The following ABR variants were observed in gnomAD, a reference collection of about 807,000 sequenced individuals.
ABR encodes active breakpoint cluster region-related protein.
Under a neutral mutation model 107.2 loss-of-function variants are expected in ABR, and 35 were observed. The observed-to-expected ratio is 0.33, with a 90% CI of 0.25 to 0.43. The LOEUF (loss-of-function observed/expected upper bound fraction) is 0.43, where lower values mean the gene tolerates loss of function less well. ABR is among the 20% of genes least tolerant of loss of function. The pLI, the probability that ABR is intolerant of heterozygous loss-of-function variation, is 1.00. For missense variants in ABR, 815 were observed against 1,115.2 expected (o/e 0.73, Z 3.83); for synonymous variants, 498 against 462.0 (o/e 1.08, Z -1.00).
At chr17:1,009,154 C>T (rs1215015318) in intron 21 of ABR, among the ~76,000 whole-genome samples, 1 of 151,740 alleles carries the variant, frequency 6.6e-6, no homozygotes, top group Non-Finnish European at 1.5e-5. Context: ...ACAATGTATC[C>T]TCCTGCTGTC....
chr17:1,168,021 G>T (rs1446806895), intron 1 of ABR, among the ~76,000 whole-genome samples: 1 of 151,474 alleles, frequency 6.6e-6, no homozygotes, highest in Non-Finnish European at 1.5e-5. Context: ...GCGTGGTGGC[G>T]CACGCCTGTA....
chr17:1,039,360 C>A (rs186317284), intron 16 of ABR, among the ~76,000 whole-genome samples: 1 of 152,344 alleles, frequency 6.6e-6, no homozygotes, highest in African/African-American at 2.4e-5. Flanking sequence ...CTCCCAAAAT[C>A]AGGAACACCT....
intron 10 of ABR, among the ~76,000 whole-genome samples, chr17:1,063,662 G>A (rs1296400656): frequency 1.3e-5 from 2 of 149,264 alleles, no homozygotes; most frequent in Non-Finnish European, 3.0e-5. Flanking sequence ...TGAACTGAGG[G>A]CTATGCATGT....
At chr17:1,216,124 T>A (rs2043003260) in intron 1 of ABR, among the ~76,000 whole-genome samples, 1 of 151,588 alleles carries the variant, frequency 6.6e-6, no homozygotes, top group African/African-American at 2.4e-5. Flanking sequence ...TATTGTCCTA[T>A]GACCCTGCCA....
At chr17:1,034,834 G>A (rs774203799) in intron 16 of ABR, among the ~76,000 whole-genome samples, 1 of 152,132 alleles carries the variant, frequency 6.6e-6, no homozygotes, top group African/African-American at 2.4e-5. Context: ...TGCAGACTGC[G>A]AGAATGCACG....
At chr17:1,043,699 G>T (rs562306486) in intron 16 of ABR, among the ~76,000 whole-genome samples, 1 of 152,140 alleles carries the variant, frequency 6.6e-6, no homozygotes, top group Non-Finnish European at 1.5e-5. Flanking sequence ...AAGAATAAAG[G>T]CCGGACGCGG....
Position 1,148,159 on chromosome 17 carries a change from C to G in ABR, c.62-22792G>C, listed in dbSNP as rs777399054. Among the ~76,000 whole-genome samples, 13 of 152,334 alleles carry G rather than the reference C, an allele frequency of 8.5e-5. No homozygotes were observed. The highest frequency in any genetic ancestry group is 3.1e-4 in the African/African-American group (13 of 41,570). On this transcript the variant is annotated intron_variant, in intron 1 of 22. Coordinates refer to ENST00000302538, the MANE Select transcript of ABR (RefSeq NM_021962.5). This position sits in a 1 kb window ranked among gnomAD's most constrained non-coding sequence, Gnocchi z 4.9. Reference sequence around the variant, plus strand: ...GGGGAAATACCCGCATTCCTAAGAGCATTATTGACACTTGCCAAAAAACAG... The same window carrying G: ...GGGGAAATACCCGCATTCCTAAGAGGATTATTGACACTTGCCAAAAAACAG...
rs1478324236 is a variant in ABR at position 1,200,226 on chromosome 17, T to C, written c.838+28567A>G. ...CATAGCATTTGCAATGTATTAGGTA[T>C]TAAAAATAACCTAGAGATAAGTTAA... On this transcript the variant is annotated intron_variant, in intron 1 of 22. Transcript: ENST00000574139. The surrounding 1 kb of genome is among the most constrained non-coding windows in gnomAD (Gnocchi z 4.1). Among the ~76,000 whole-genome samples, 1 of 151,980 alleles carries C rather than the reference T, an allele frequency of 6.6e-6. No individual in the cohort carries two copies. Among genetic ancestry groups the C allele is most frequent in the Non-Finnish European group, 1.5e-5 (1 of 67,992 alleles).
Position 1,092,129 on chromosome 17 carries a change from A to C in ABR, c.346-279T>G, listed in dbSNP as rs1209385556. ...CTACCACGCAGCTGAGCTCAGCAGC[A>C]GCCTGTACTGGGTTAACAGGATCCG... On this transcript the variant is annotated intron_variant, in intron 3 of 22. Coordinates refer to ENST00000302538, the MANE Select transcript of ABR (RefSeq NM_021962.5). The surrounding 1 kb of genome is among the most constrained non-coding windows in gnomAD (Gnocchi z 4.6). Among the ~76,000 whole-genome samples, 1 of 152,190 alleles carries C rather than the reference A, an allele frequency of 6.6e-6. No homozygotes were observed. The highest frequency in any genetic ancestry group is 1.5e-5 in the Non-Finnish European group (1 of 68,016).
rs1281182959 is a variant in ABR at position 1,013,176 on chromosome 17, G to C, written c.1792-12C>G. On this transcript the variant is annotated splice_polypyrimidine_tract_variant and intron_variant, in intron 16 of 22. Coordinates refer to ENST00000302538, the MANE Select transcript of ABR (RefSeq NM_021962.5). ...GTTTGTGGGTCCAGCTGCAGAGAGAGAATGTGGGTGAGAGAGGTGCCAGCT... is the reference window on the plus strand; with the variant it reads ...GTTTGTGGGTCCAGCTGCAGAGAGACAATGTGGGTGAGAGAGGTGCCAGCT... 1.9e-5 allele frequency: 30 copies of C among 1,613,830 alleles called. No individual in the cohort carries two copies. The highest frequency in any genetic ancestry group is 2.3e-5 in the Non-Finnish European group (27 of 1,179,794).
intron 18 of ABR, 79 bp from the exon 19 acceptor site, chr17:1,012,064 C>T: frequency 3.1e-6 from 5 of 1,596,598 alleles, no homozygotes; most frequent in Non-Finnish European, 4.3e-6. Context: ...AGCACACACA[C>T]ACCCTGGAGA....
chr17:1,051,706 G>C lies in ABR; in HGVS notation c.1562-1072C>G, dbSNP rs938098150. Among the ~76,000 whole-genome samples the C allele has an allele frequency of 6.6e-6, 1 of 152,232 alleles. No individual in the cohort carries two copies. Among genetic ancestry groups the C allele is most frequent in the Non-Finnish European group, 1.5e-5 (1 of 68,044 alleles). On this transcript the variant is annotated intron_variant, in intron 14 of 22. Coordinates refer to ENST00000302538, the MANE Select transcript of ABR (RefSeq NM_021962.5). This position sits in a 1 kb window ranked among gnomAD's most constrained non-coding sequence, Gnocchi z 4.3. ...GCGTGAAACAACGTCAGAGGTCACA[G>C]TGCGGGCATACAGTGCAGGTGGCTT...
At chr17:1,136,251 TAG>T (rs1567812203) in intron 1 of ABR, among the ~76,000 whole-genome samples, 1 of 146,852 alleles carries the variant, frequency 6.8e-6, no homozygotes, top group Non-Finnish European at 1.5e-5. Context: ...TTGTTTGAAA[TAG>T]AGTCTGGCTC....
At chr17:1,079,086 G>A in intron 6 of ABR, 3 of 1,434,712 alleles carry the variant, frequency 2.1e-6, no homozygotes, top group Non-Finnish European at 2.7e-6. Context: ...GGAGCCAGCA[G>A]CCTGCTGGCA....
intron 1 of ABR, among the ~76,000 whole-genome samples, chr17:1,135,638 G>A (rs1013129591): frequency 2.0e-5 from 3 of 152,174 alleles, no homozygotes; most frequent in Admixed American, 6.5e-5. Flanking sequence ...CACTGTGGGA[G>A]GCTGGAGCAG....
intron 1 of ABR, among the ~76,000 whole-genome samples, chr17:1,195,722 T>C (rs1224542340): frequency 6.7e-6 from 1 of 150,196 alleles, no homozygotes; most frequent in Non-Finnish European, 1.5e-5. Context: ...GAGAATGGTG[T>C]GAACCCGGGA....
chr17:1,173,805 C>A (rs1567858961), intron 1 of ABR, among the ~76,000 whole-genome samples: 1 of 152,202 alleles, frequency 6.6e-6, no homozygotes, highest in Admixed American at 6.5e-5. Context: ...CTGTTCCTGC[C>A]GGTCCTCCTG....
chr17:1,033,668 C>G (rs894028618), intron 16 of ABR, among the ~76,000 whole-genome samples: 1 of 152,206 alleles, frequency 6.6e-6, no homozygotes, highest in South Asian at 2.1e-4. Flanking sequence ...CTGGCTCACA[C>G]GTCACACGCA....
At chr17:1,044,916 T>C (rs1051807999) in intron 16 of ABR, among the ~76,000 whole-genome samples, 1 of 152,204 alleles carries the variant, frequency 6.6e-6, no homozygotes, top group African/African-American at 2.4e-5. Context: ...GGCCGCTCTA[T>C]ACCAAGATTT....
Sources: allele counts gnomAD v4.1 joint callset (sites outside exome capture counted in the v4.1 genomes callset), GRCh38; gene constraint gnomAD v4.1.1; non-coding constraint Gnocchi (gnomAD v3.1); transcripts MANE v1.5; gene names NCBI Gene and HGNC (gene_info 2026-07-23, HGNC 2026-07-21).